GLT8D2: variants seen among roughly 807,000 people sequenced by gnomAD.
The protein encoded by GLT8D2 is glycosyltransferase 8 domain containing 2.
A neutral mutation model predicts 44.5 loss-of-function variants in GLT8D2; 45 were observed. The ratio of observed to expected loss-of-function variants is 1.01; its 90% CI spans 0.80 to 1.30. GLT8D2 has a LOEUF of 1.30. GLT8D2 is among the 50% of genes most tolerant of loss of function. GLT8D2 has a pLI of 0.00. For missense variants in GLT8D2, 400 were observed against 430.4 expected (o/e 0.93, Z 0.62); for synonymous variants, 156 against 157.2 (o/e 0.99, Z 0.06).
At position 103,996,803 on chromosome 12, in the gene GLT8D2, C is replaced by T. The variant is rs777460443; in HGVS notation, c.532G>A (p.Ala178Thr). The change falls in exon 8 of 11, where the codon GCG (alanine) becomes ACG (threonine). Residue 178 changes from alanine to threonine, a missense_variant. By Grantham distance (58) the Ala-to-Thr change is moderately conservative. Coordinates refer to ENST00000360814, the MANE Select transcript of GLT8D2 (RefSeq NM_001384711.1). The part of the protein sequence containing the change: ...LYDTTLALGH[A>T]AAFSDDCDLP... ...TCGCAGTCATCTGAGAAAGCCGCCG[C>T]GTGGCCCAGGGCCAAGGTGGTGTCA... The T allele has an allele frequency of 3.4e-5, 55 of 1,614,172 alleles. No individual in the cohort carries two copies. Among genetic ancestry groups the T allele is most frequent in the East Asian group, 8.9e-5 (4 of 44,890 alleles).
At chr12:104,041,932 C>T (rs759384955) in intron 1 of GLT8D2, among the ~76,000 whole-genome samples, 10 of 152,200 alleles carry the variant, frequency 6.6e-5, no homozygotes, top group Non-Finnish European at 5.9e-5. Flanking sequence ...CAAGATACTC[C>T]GTTCATTCTT....
chr12:103,993,356 T>C (rs375665273), intron 10 of GLT8D2, 36 bp downstream of exon 10: 1 of 1,476,244 alleles, frequency 6.8e-7, no homozygotes. Flanking sequence ...AAATGGACAT[T>C]TGCGTTTTTC....
At position 104,005,513 on chromosome 12, in the gene GLT8D2, A is replaced by G. The variant is rs561490864; in HGVS notation, c.113-2207T>C. On this transcript the variant is annotated intron_variant, in intron 4 of 10. Coordinates refer to ENST00000360814, the MANE Select transcript of GLT8D2 (RefSeq NM_001384711.1). ...CAAAGGGCTAATAGCCAGAATCGAC[A>G]AAGAACTCAAACAAATTTACAAGAA... Among the ~76,000 whole-genome samples the G allele has an allele frequency of 1.4e-3, 209 of 152,350 alleles. 1 individual carries two copies. Among genetic ancestry groups the G allele is most frequent in the African/African-American group, 4.4e-3 (183 of 41,586 alleles).
intron 1 of GLT8D2, among the ~76,000 whole-genome samples, chr12:104,030,263 C>G (rs1879088259): frequency 6.6e-6 from 1 of 152,204 alleles, no homozygotes; most frequent in Middle Eastern, 3.4e-3. Flanking sequence ...AAAGGATAGT[C>G]TCTTTAGTAA....
intron 1 of GLT8D2, among the ~76,000 whole-genome samples, chr12:104,049,667 C>T (rs1177608413): frequency 1.3e-5 from 2 of 152,116 alleles, no homozygotes; most frequent in Non-Finnish European, 2.9e-5. Flanking sequence ...GGAAAAGCAG[C>T]CCAGGATGTG....
chr12:104,031,594 G>T (rs1201927324), intron 1 of GLT8D2: 1 of 1,603,184 alleles, frequency 6.2e-7, no homozygotes, highest in African/African-American at 1.3e-5. Flanking sequence ...TGCCCATCTT[G>T]TCCCTCTGCC....
At chr12:104,053,770 A>T (rs1053795648), upstream of GLT8D2, among the ~76,000 whole-genome samples, 1 of 151,828 alleles carries the variant, frequency 6.6e-6, no homozygotes, top group Non-Finnish European at 1.5e-5. Flanking sequence ...TGTAGTCCCA[A>T]CTACTCGGGA....
Position 104,019,681 on chromosome 12 carries a change from G to A in GLT8D2, c.-28-5C>T, listed in dbSNP as rs1269925288. On this transcript the variant is annotated splice_region_variant and splice_polypyrimidine_tract_variant and intron_variant, in intron 2 of 10. Coordinates refer to ENST00000360814, the MANE Select transcript of GLT8D2 (RefSeq NM_001384711.1). ...CACGCGGATAAGAACTGTAACCTGTGGATTAAAGGAAAAAAAATCTGTTTA... is the reference window on the plus strand; with the variant it reads ...CACGCGGATAAGAACTGTAACCTGTAGATTAAAGGAAAAAAAATCTGTTTA... The A allele has an allele frequency of 2.5e-6, 4 of 1,591,486 alleles. No individual in the cohort carries two copies. The highest frequency in any genetic ancestry group is 1.1e-5 in the South Asian group (1 of 88,130).
chr12:104,052,813 G>A (rs759112103), upstream of GLT8D2, among the ~76,000 whole-genome samples: 13 of 151,910 alleles, frequency 8.6e-5, no homozygotes, highest in South Asian at 2.1e-4. Context: ...ATGTTGCCCA[G>A]GCTGGACTTG....
rs1880373349 is a variant in GLT8D2 at position 104,040,150 on chromosome 12, G to T, written c.-164+9745C>A. Reference sequence around the variant, plus strand: ...CATCAGACACCAGGGCCTGTCATGGGGTGGGAGCAGGGGGAGGGATAGCAT... The same window carrying T: ...CATCAGACACCAGGGCCTGTCATGGTGTGGGAGCAGGGGGAGGGATAGCAT... On this transcript the variant is annotated intron_variant, in intron 1 of 10. Transcript: ENST00000360814. Among the ~76,000 whole-genome samples, 3 of 152,196 alleles carry T rather than the reference G, an allele frequency of 2.0e-5. No individual in the cohort carries two copies. The South Asian group carries it at 6.2e-4, about 32-fold the overall frequency.
At chr12:103,998,331 C>T (rs1873753263) in intron 6 of GLT8D2, among the ~76,000 whole-genome samples, 1 of 151,532 alleles carries the variant, frequency 6.6e-6, no homozygotes, top group South Asian at 2.1e-4. Context: ...AACTCCCAGA[C>T]TCAAACAATC....
At chr12:103,995,805 A>C (rs12372540) in intron 8 of GLT8D2, among the ~76,000 whole-genome samples, 44,409 of 152,126 alleles carry the variant, frequency 0.29, 7,363 homozygotes, top group Non-Finnish European at 0.36. Context: ...CTCAAACCTC[A>C]CACAGGAGTC....
intron 4 of GLT8D2, chr12:104,012,689 T>C (rs894869059): frequency 4.8e-6 from 3 of 623,048 alleles, no homozygotes; most frequent in Non-Finnish European, 8.6e-6. Context: ...ATGGACTGAA[T>C]TGTGTCCTCC....
intron 1 of GLT8D2, among the ~76,000 whole-genome samples, chr12:104,062,058 C>G (rs573568732): frequency 2.0e-5 from 3 of 150,602 alleles, no homozygotes; most frequent in African/African-American, 7.3e-5. Flanking sequence ...AGTGAGAATT[C>G]CTTTTGGGGT....
At chr12:104,005,073 C>T (rs546685715) in intron 4 of GLT8D2, among the ~76,000 whole-genome samples, 2 of 152,130 alleles carry the variant, frequency 1.3e-5, no homozygotes, top group Non-Finnish European at 2.9e-5. Flanking sequence ...CCAGAAATAA[C>T]ACCACACATC....
At chr12:104,051,210 T>G (rs1881694186), upstream of GLT8D2, among the ~76,000 whole-genome samples, 1 of 152,008 alleles carries the variant, frequency 6.6e-6, no homozygotes, top group African/African-American at 2.4e-5. Context: ...AGCCGTGAAC[T>G]TCAAGGTTCA....
At chr12:104,030,012 G>A (rs906633492) in intron 1 of GLT8D2, among the ~76,000 whole-genome samples, 7 of 151,646 alleles carry the variant, frequency 4.6e-5, no homozygotes, top group East Asian at 3.9e-4. Context: ...ATATGGAACC[G>A]CAAAAGCCCC....
At chr12:104,062,368 C>T (rs1458766271) in intron 1 of GLT8D2, among the ~76,000 whole-genome samples, 5 of 151,884 alleles carry the variant, frequency 3.3e-5, no homozygotes, top group Admixed American at 2.6e-4. Context: ...CCACCGCACC[C>T]GTCCTGAGAA....
intron 6 of GLT8D2, among the ~76,000 whole-genome samples, chr12:103,997,750 C>T (rs1873644146): frequency 6.6e-6 from 1 of 152,162 alleles, no homozygotes; most frequent in Admixed American, 6.5e-5. Flanking sequence ...ATCGGCCGTT[C>T]TCCTAGATAC....
Sources: allele counts gnomAD v4.1 joint callset (sites outside exome capture counted in the v4.1 genomes callset), GRCh38; gene constraint gnomAD v4.1.1; transcripts MANE v1.5; gene names NCBI Gene and HGNC (gene_info 2026-07-23, HGNC 2026-07-21).